Variants in HNF4G observed in about 807,000 individuals in gnomAD.
HNF4G encodes hepatocyte nuclear factor 4 gamma.
HNF4G carries 21 observed loss-of-function variants against 50.9 expected under a neutral mutation model. That is an observed-to-expected ratio of 0.41 (90% CI 0.29 to 0.59). The LOEUF is 0.59. Among genes scored for constraint, HNF4G ranks in the 20% least tolerant of loss-of-function variants. HNF4G has a pLI of 0.26. For synonymous variants in HNF4G, 198 were observed against 185.6 expected (o/e 1.07, Z -0.54); for missense variants, 527 against 559.4 (o/e 0.94, Z 0.58).
At chr8:75,431,421 G>C (rs1004432757) in intron 1 of HNF4G, among the ~76,000 whole-genome samples, 2 of 152,090 alleles carry the variant, frequency 1.3e-5, no homozygotes, top group Admixed American at 1.3e-4. Context: ...TGAAATCGCT[G>C]AACATTGATC....
Position 75,512,716 on chromosome 8 carries a change from C to T in HNF4G, c.-24+22508C>T, listed in dbSNP as rs938210978. Among the ~76,000 whole-genome samples, 7 of 152,068 alleles carry T rather than the reference C, an allele frequency of 4.6e-5. No homozygotes were observed. The East Asian group carries it at 1.2e-3, about 25-fold the overall frequency. The stretch of plus-strand genomic sequence containing the variant: ...CCTGACCTCGAGATCCGCCCGCCTC[C>T]ACCTCCCGAACTGCTGGGATTACAG... On this transcript the variant is annotated intron_variant, in intron 2 of 10. Coordinates refer to the HNF4G transcript ENST00000354370.
chr8:75,530,431 A>AAT (rs10647738), intron 2 of HNF4G, among the ~76,000 whole-genome samples: 2,270 of 25,124 alleles, frequency 0.09, 24 homozygotes, highest in Middle Eastern at 0.25. Context: ...CACCAGTAAT[A>AAT]AAAAAAAAAA....
intron 1 of HNF4G, among the ~76,000 whole-genome samples, chr8:75,473,182 G>T (rs758774226): frequency 1.6e-4 from 25 of 151,976 alleles, no homozygotes; most frequent in Non-Finnish European, 3.1e-4. Flanking sequence ...GGTTGTGGGT[G>T]CCTGTAGTCC....
intron 1 of HNF4G, among the ~76,000 whole-genome samples, chr8:75,471,856 G>A (rs1812122654): frequency 6.6e-6 from 1 of 152,186 alleles, no homozygotes; most frequent in Non-Finnish European, 1.5e-5. Context: ...AAGAGCAAAT[G>A]TAACATTCAT....
At chr8:75,470,912 T>C (rs570356675) in intron 1 of HNF4G, among the ~76,000 whole-genome samples, 1 of 152,326 alleles carries the variant, frequency 6.6e-6, no homozygotes, top group East Asian at 1.9e-4. Flanking sequence ...TTTCTTCTTC[T>C]TCTTTTAAAG....
chr8:75,530,424 CA>C (rs1806297690), intron 2 of HNF4G, among the ~76,000 whole-genome samples: 1 of 90,786 alleles, frequency 1.1e-5, no homozygotes, highest in South Asian at 2.9e-4. Context: ...ATAGATCCAC[CA>C]GTAATAAAAA....
chr8:75,434,830 T>G (rs1263224581), intron 1 of HNF4G, among the ~76,000 whole-genome samples: 2 of 152,126 alleles, frequency 1.3e-5, no homozygotes, highest in East Asian at 1.9e-4. Context: ...AGTAGTTGTA[T>G]CCACAAAAAT....
At chr8:75,544,946 C>T (rs1806731470) in intron 2 of HNF4G, among the ~76,000 whole-genome samples, 1 of 151,866 alleles carries the variant, frequency 6.6e-6, no homozygotes, top group Admixed American at 6.6e-5. Context: ...TATATAACTC[C>T]CCAAATATCT....
chr8:75,459,117 G>A (rs938588866), intron 1 of HNF4G, among the ~76,000 whole-genome samples: 1 of 152,062 alleles, frequency 6.6e-6, no homozygotes, highest in Non-Finnish European at 1.5e-5. Context: ...CACCCTTCAG[G>A]CAGAGTGGGA....
rs1811568727 is a variant in HNF4G at position 75,450,889 on chromosome 8, C to G, written c.-143-39200C>G. ...GTTAGAAAGGTGAGTTCAGAGTTCTCTCGCTGTGTGTCTTGTGTGCTTTCT... is the reference window on the plus strand; with the variant it reads ...GTTAGAAAGGTGAGTTCAGAGTTCTGTCGCTGTGTGTCTTGTGTGCTTTCT... On this transcript the variant is annotated intron_variant, in intron 1 of 10. Transcript: ENST00000354370. 3.3e-5 allele frequency among the ~76,000 whole-genome samples: 5 copies of G among 152,278 alleles called. No individual in the cohort carries two copies. The South Asian group carries it at 1.0e-3, about 32-fold the overall frequency.
chr8:75,505,163 A>G (rs748111657), intron 2 of HNF4G, among the ~76,000 whole-genome samples: 18 of 152,130 alleles, frequency 1.2e-4, no homozygotes, highest in Non-Finnish European at 2.2e-4. Context: ...TTTCAGTACA[A>G]GTACTGATTT....
chr8:75,408,347 G>A (rs1810414331), intron 1 of HNF4G, among the ~76,000 whole-genome samples: 1 of 152,070 alleles, frequency 6.6e-6, no homozygotes, highest in African/African-American at 2.4e-5. Flanking sequence ...CAGGTCTCTG[G>A]GGGGTCTTCC....
At chr8:75,476,710 G>GGAACT (rs1461641663) in intron 1 of HNF4G, among the ~76,000 whole-genome samples, 3 of 152,152 alleles carry the variant, frequency 2.0e-5, no homozygotes, top group Non-Finnish European at 4.4e-5. Context: ...ATTTCCTGTG[G>GGAACT]GAACTACCTG....
chr8:75,542,684 A>T (rs1806662708), intron 1 of HNF4G, among the ~76,000 whole-genome samples: 1 of 152,094 alleles, frequency 6.6e-6, no homozygotes, highest in Admixed American at 6.6e-5. Flanking sequence ...CCTAGACATT[A>T]TTCTGTATCT....
intron 1 of HNF4G, among the ~76,000 whole-genome samples, chr8:75,451,657 G>A (rs1811587629): frequency 1.3e-5 from 2 of 152,074 alleles, no homozygotes; most frequent in Admixed American, 6.6e-5. Flanking sequence ...GATCCTAAGT[G>A]TATGCATTTA....
chr8:75,552,923 A>G (rs1459400395), intron 4 of HNF4G, 119 bp from the exon 5 acceptor site: 1 of 588,178 alleles, frequency 1.7e-6, no homozygotes, highest in East Asian at 2.9e-5. Context: ...TTGTCAAGAT[A>G]CTGTAACAAC....
intron 1 of HNF4G, among the ~76,000 whole-genome samples, chr8:75,434,159 C>T (rs1811082550): frequency 6.6e-6 from 1 of 151,682 alleles, no homozygotes; most frequent in South Asian, 2.1e-4. Context: ...GCCTGCCACC[C>T]CACCCGGCTA....
At chr8:75,518,372 C>T (rs1174770744) in intron 2 of HNF4G, among the ~76,000 whole-genome samples, 1 of 151,990 alleles carries the variant, frequency 6.6e-6, no homozygotes, top group Admixed American at 6.6e-5. Context: ...AACACTTTTA[C>T]ACTGTTGGTG....
intron 2 of HNF4G, among the ~76,000 whole-genome samples, chr8:75,522,831 T>C (rs1307700503): frequency 6.6e-6 from 1 of 152,186 alleles, no homozygotes; most frequent in East Asian, 1.9e-4. Flanking sequence ...GCTGGAGTTA[T>C]AGCATGTCTA....
Sources: allele counts gnomAD v4.1 joint callset (sites outside exome capture counted in the v4.1 genomes callset), GRCh38; gene constraint gnomAD v4.1.1; transcripts MANE v1.5; gene names NCBI Gene and HGNC (gene_info 2026-07-23, HGNC 2026-07-21).